Variants in SUSD5 observed in about 807,000 individuals in gnomAD.
The protein encoded by SUSD5 is sushi domain containing 5.
A neutral mutation model predicts 29.5 loss-of-function variants in SUSD5; 33 were observed. That is an observed-to-expected ratio of 1.12 (90% CI 0.85 to 1.49). The LOEUF is 1.49. Ranked by LOEUF, SUSD5 falls within the 40% of genes most tolerant of loss-of-function variation. SUSD5 has a pLI of 0.00. For missense variants in SUSD5, 776 were observed against 800.6 expected (o/e 0.97, Z 0.37); for synonymous variants, 308 against 325.3 (o/e 0.95, Z 0.57).
intron 4 of SUSD5, among the ~76,000 whole-genome samples, chr3:33,161,646 C>G (rs1385510890): frequency 3.3e-5 from 5 of 151,898 alleles, no homozygotes; most frequent in African/African-American, 1.2e-4. Context: ...AATATAAGTA[C>G]ACAGATGAGT....
At chr3:33,155,255 A>G (rs1194993037) in intron 4 of SUSD5, among the ~76,000 whole-genome samples, 1 of 152,250 alleles carries the variant, frequency 6.6e-6, no homozygotes, top group Non-Finnish European at 1.5e-5. Flanking sequence ...CAAACCATAG[A>G]AAAATTGGCA....
At chr3:33,181,094 T>C (rs1360249926) in intron 3 of SUSD5, among the ~76,000 whole-genome samples, 3 of 151,790 alleles carry the variant, frequency 2.0e-5, no homozygotes, top group Non-Finnish European at 2.9e-5. Context: ...TCTGTTATTA[T>C]GAAAAAGTCA....
At chr3:33,166,012 C>CAAA (rs60528336) in intron 4 of SUSD5, among the ~76,000 whole-genome samples, 187 of 118,912 alleles carry the variant, frequency 1.6e-3, no homozygotes, top group South Asian at 2.1e-3. Context: ...CCCCCCTCTC[C>CAAA]AAAAAAAAAA....
At chr3:33,188,858 T>C (rs2031830046) in intron 3 of SUSD5, among the ~76,000 whole-genome samples, 1 of 152,188 alleles carries the variant, frequency 6.6e-6, no homozygotes, top group Admixed American at 6.5e-5. Flanking sequence ...GATCTGTGCA[T>C]TTTGCTGATG....
chr3:33,218,538 G>C (rs2032465564), intron 1 of SUSD5, 148 bp downstream of exon 1: 1 of 711,306 alleles, frequency 1.4e-6, no homozygotes, highest in South Asian at 5.5e-5. Context: ...GAGGGATGCT[G>C]GGTCGCAGGA....
chr3:33,155,625 A>G (rs1404362090), intron 4 of SUSD5, among the ~76,000 whole-genome samples: 1 of 152,256 alleles, frequency 6.6e-6, no homozygotes. Context: ...CATAATAGTA[A>G]AAAACTGGAA....
chr3:33,162,990 A>G (rs1260706926), intron 4 of SUSD5, among the ~76,000 whole-genome samples: 1 of 152,096 alleles, frequency 6.6e-6, no homozygotes, highest in African/African-American at 2.4e-5. Context: ...GAGAAATACA[A>G]CTTACCAAAA....
At chr3:33,198,731 C>T (rs2032043686) in intron 3 of SUSD5, among the ~76,000 whole-genome samples, 1 of 152,212 alleles carries the variant, frequency 6.6e-6, no homozygotes, top group Admixed American at 6.5e-5. Flanking sequence ...AAGCTCTTTC[C>T]TGCCCGCAGT....
In SUSD5 at chr3:33,167,453, T is replaced by TTGTGTGTGTATGTGTG. The variant is rs942350670; in HGVS notation, c.598+7417_598+7432dup. Among the ~76,000 whole-genome samples, 20 of 151,864 alleles carry TTGTGTGTGTATGTGTG rather than the reference T, an allele frequency of 1.3e-4. No individual in the cohort carries two copies. The highest frequency in any genetic ancestry group is 4.8e-4 in the African/African-American group (20 of 41,368). On this transcript the variant is annotated intron_variant, in intron 4 of 4. Transcript: ENST00000309558. This position sits in a 1 kb window ranked among gnomAD's most constrained non-coding sequence, Gnocchi z 4.1. The stretch of plus-strand genomic sequence containing the variant: ...TGTGTATGCATGGATGTGCATGTGA[T>TTGTGTGTGTATGTGTG]TGTGTGTGTATGTGTGTGTGTGTCT...
At chr3:33,170,697 C>T (rs907840116) in intron 4 of SUSD5, among the ~76,000 whole-genome samples, 1 of 152,226 alleles carries the variant, frequency 6.6e-6, no homozygotes, top group Non-Finnish European at 1.5e-5. Context: ...TGGCCATGCC[C>T]TTCTGGAAAG....
chr3:33,193,695 T>C (rs1054646214), intron 3 of SUSD5, among the ~76,000 whole-genome samples: 1 of 152,166 alleles, frequency 6.6e-6, no homozygotes, highest in East Asian at 1.9e-4. Flanking sequence ...GCAAAAAGTA[T>C]GACAATGAGA....
intron 3 of SUSD5, among the ~76,000 whole-genome samples, chr3:33,181,174 A>G (rs1461802269): frequency 6.6e-6 from 1 of 152,050 alleles, no homozygotes; most frequent in Non-Finnish European, 1.5e-5. Flanking sequence ...TGATGAAAAA[A>G]TATTTTCATA....
At chr3:33,191,420 G>A (rs557011455) in intron 3 of SUSD5, among the ~76,000 whole-genome samples, 7 of 151,674 alleles carry the variant, frequency 4.6e-5, no homozygotes, top group Non-Finnish European at 8.8e-5. Context: ...GTGAGCCACT[G>A]CACCCGGCCT....
Position 33,213,949 on chromosome 3 carries a change from C to A in SUSD5, c.269G>T (p.Trp90Leu). ...TTACCCAAGAGTACCATCTGCTAGC[C>A]AGCCAGTGGTGCACACCGCAAAGGA... Reference protein sequence around the residue: ...DCSFAVCTTGWLADGTLGTTV... With the variant: ...DCSFAVCTTGLLADGTLGTTV... The change falls in exon 2 of 5, where the codon TGG becomes TTG. Residue 90 changes from tryptophan to leucine, a missense_variant. By Grantham distance (61) the Trp-to-Leu change is moderately conservative. Coordinates refer to ENST00000309558, the MANE Select transcript of SUSD5 (RefSeq NM_015551.2). The A allele has an allele frequency of 6.2e-7, 1 of 1,601,812 alleles. No homozygotes were observed. The highest frequency in any genetic ancestry group is 8.5e-7 in the Non-Finnish European group (1 of 1,173,590).
At chr3:33,168,275 C>A (rs2031348091) in intron 4 of SUSD5, among the ~76,000 whole-genome samples, 1 of 152,134 alleles carries the variant, frequency 6.6e-6, no homozygotes, top group African/African-American at 2.4e-5. Flanking sequence ...GGCTACACAG[C>A]CTTTAAAAAT....
chr3:33,182,067 G>A (rs1003532203), intron 3 of SUSD5, among the ~76,000 whole-genome samples: 7 of 152,048 alleles, frequency 4.6e-5, no homozygotes, highest in African/African-American at 1.7e-4. Flanking sequence ...TCTAATATAT[G>A]TATTCACTGC....
chr3:33,158,153 A>G (rs983156044), intron 4 of SUSD5, among the ~76,000 whole-genome samples: 1 of 152,358 alleles, frequency 6.6e-6, no homozygotes, highest in East Asian at 1.9e-4. Context: ...TGCTACCTTA[A>G]AACTGTTCAG....
intron 3 of SUSD5, among the ~76,000 whole-genome samples, chr3:33,191,023 C>T (rs1405532955): frequency 1.3e-5 from 2 of 152,104 alleles, no homozygotes; most frequent in Admixed American, 6.5e-5. Context: ...ATATTATGTA[C>T]CCTCTTCACC....
chr3:33,166,957 T>C (rs1178796482), intron 4 of SUSD5, among the ~76,000 whole-genome samples: 1 of 152,144 alleles, frequency 6.6e-6, no homozygotes, highest in East Asian at 1.9e-4. Context: ...GGCAAGTGGA[T>C]CACCTGAGGT....
Sources: gnomAD v4.1 joint callset for allele counts (sites outside exome capture counted in the v4.1 genomes callset) on GRCh38, gnomAD v4.1.1 for gene constraint, Gnocchi (gnomAD v3.1) non-coding constraint, MANE v1.5 for transcripts, NCBI Gene and HGNC (gene_info 2026-07-23, HGNC 2026-07-21) for gene names.